Variants in BMP8A observed in about 807,000 individuals in gnomAD.
BMP8A encodes bone morphogenetic protein 8a.
In BMP8A, 14 loss-of-function variants were observed where a neutral mutation model predicts 36.8. The observed-to-expected ratio is 0.38, with a 90% CI of 0.25 to 0.60. The LOEUF is 0.60. Ranked by LOEUF, BMP8A falls within the 20% of genes least tolerant of loss-of-function variation. The pLI is 0.63. For missense variants in BMP8A, 267 were observed against 551.1 expected (o/e 0.48, Z 5.16); for synonymous variants, 120 against 237.7 (o/e 0.50, Z 4.55).
intron 1 of BMP8A, among the ~76,000 whole-genome samples, chr1:39,501,005 G>A (rs1371504980): frequency 2.6e-5 from 4 of 152,186 alleles, no homozygotes; most frequent in African/African-American, 9.7e-5. Flanking sequence ...GCTCAAGGCT[G>A]GGCAGCTGCA....
rs1645487050 is a variant in BMP8A at position 39,526,700 on chromosome 1, GAA to G, written c.*904_*905del. Among the ~76,000 whole-genome samples, 1 of 152,154 alleles carries G rather than the reference GAA, an allele frequency of 6.6e-6. No individual in the cohort carries two copies. The highest frequency in any genetic ancestry group is 1.5e-5 in the Non-Finnish European group (1 of 68,026). On this transcript the variant is annotated 3_prime_UTR_variant, in exon 7 of 7. Transcript: ENST00000331593. ...TGGGCCTGCCCCTTCTCCTGCCTGGGAAAGAGGTATGACTCCCACAGGAGCAA... is the reference window on the plus strand; with the variant it reads ...TGGGCCTGCCCCTTCTCCTGCCTGGGAGAGGTATGACTCCCACAGGAGCAA...
At chr1:39,497,747 C>T (rs1464900695) in intron 1 of BMP8A, among the ~76,000 whole-genome samples, 2 of 152,250 alleles carry the variant, frequency 1.3e-5, no homozygotes, top group Non-Finnish European at 2.9e-5. Flanking sequence ...TTCCCTGCCC[C>T]TGCCCCCCAC....
chr1:39,507,446 G>T (rs555674439), intron 1 of BMP8A, among the ~76,000 whole-genome samples: 3 of 152,194 alleles, frequency 2.0e-5, no homozygotes, highest in Non-Finnish European at 4.4e-5. Context: ...GGCCTCGAGC[G>T]CTTTTGGCCA....
chr1:39,499,765 T>A (rs1213101890), intron 1 of BMP8A, among the ~76,000 whole-genome samples: 1 of 152,176 alleles, frequency 6.6e-6, no homozygotes, highest in African/African-American at 2.4e-5. Context: ...CTTTTCTGCC[T>A]CCCATGTGCA....
Position 39,527,082 on chromosome 1 carries a change from G to T in BMP8A, c.*1284G>T, listed in dbSNP as rs1645490454. Among the ~76,000 whole-genome samples, 1 of 152,226 alleles carries T rather than the reference G, an allele frequency of 6.6e-6. No individual in the cohort carries two copies. Among genetic ancestry groups the T allele is most frequent in the Non-Finnish European group, 1.5e-5 (1 of 68,040 alleles). On this transcript the variant is annotated 3_prime_UTR_variant, in exon 7 of 7. Coordinates refer to ENST00000331593, the MANE Select transcript of BMP8A (RefSeq NM_181809.4). ...CGGCCAGGCATGGGGCAAGGGTGGG[G>T]ACTGCCAGTGTTTGCTTGTGTCTAG...
At chr1:39,521,778 CAGA>C (rs1645429505) in intron 4 of BMP8A, among the ~76,000 whole-genome samples, 1 of 57,910 alleles carries the variant, frequency 1.7e-5, no homozygotes, top group Admixed American at 2.4e-4. Flanking sequence ...CCCTGCTGCC[CAGA>C]AGTCTCCCTC....
chr1:39,517,410 G>C (rs1323830810), intron 3 of BMP8A, among the ~76,000 whole-genome samples: 1 of 151,796 alleles, frequency 6.6e-6, no homozygotes, highest in Non-Finnish European at 1.5e-5. Context: ...CTGCTTCCTG[G>C]GTTCAAGCAA....
chr1:39,519,311 C>T (rs1645414417), intron 3 of BMP8A, among the ~76,000 whole-genome samples: 1 of 133,354 alleles, frequency 7.5e-6, no homozygotes, highest in Admixed American at 8.0e-5. Flanking sequence ...GGGCTGGTGA[C>T]CACCACCACC....
intron 1 of BMP8A, among the ~76,000 whole-genome samples, chr1:39,496,202 C>T (rs1446241386): frequency 7.2e-6 from 1 of 139,694 alleles, no homozygotes; most frequent in Admixed American, 7.1e-5. Flanking sequence ...GCACCTACCA[C>T]GGACCAGGCA....
At chr1:39,508,206 G>A (rs994320139) in intron 1 of BMP8A, among the ~76,000 whole-genome samples, 14 of 151,170 alleles carry the variant, frequency 9.3e-5, no homozygotes, top group African/African-American at 2.7e-4. Flanking sequence ...AGCTGAAATC[G>A]TGCCACTGCA....
intron 1 of BMP8A, among the ~76,000 whole-genome samples, chr1:39,495,122 G>A (rs1354177925): frequency 6.6e-6 from 1 of 152,196 alleles, no homozygotes; most frequent in African/African-American, 2.4e-5. Flanking sequence ...TAATAGCAGG[G>A]TCGCTGTGGT....
intron 1 of BMP8A, among the ~76,000 whole-genome samples, chr1:39,496,942 A>T (rs187801962): frequency 3.5e-4 from 53 of 152,314 alleles, no homozygotes; most frequent in Middle Eastern, 6.8e-3. Context: ...GCCCCTAGGG[A>T]GCCCCATTCC....
chr1:39,519,204 T>G, intron 3 of BMP8A, among the ~76,000 whole-genome samples: 3 of 119,666 alleles, frequency 2.5e-5, no homozygotes, highest in African/African-American at 6.2e-5. Flanking sequence ...CCCCAGGGAG[T>G]CACAGGACAG....
At chr1:39,507,062 G>C (rs897559598) in intron 1 of BMP8A, among the ~76,000 whole-genome samples, 3 of 152,188 alleles carry the variant, frequency 2.0e-5, no homozygotes, top group Non-Finnish European at 2.9e-5. Flanking sequence ...TAGGATCACT[G>C]TCCCAGATTT....
At chr1:39,493,880 GA>G (rs965296803) in intron 1 of BMP8A, among the ~76,000 whole-genome samples, 1 of 152,230 alleles carries the variant, frequency 6.6e-6, no homozygotes, top group African/African-American at 2.4e-5. Flanking sequence ...CCGCCCATCA[GA>G]ATGCGTCACC....
intron 1 of BMP8A, among the ~76,000 whole-genome samples, chr1:39,494,292 T>G (rs1471830776): frequency 1.3e-5 from 2 of 152,184 alleles, no homozygotes; most frequent in Admixed American, 1.3e-4. Context: ...AAGTAGCATG[T>G]GAACTTTTTC....
chr1:39,518,045 C>A (rs1645406803), intron 3 of BMP8A, among the ~76,000 whole-genome samples: 1 of 151,990 alleles, frequency 6.6e-6, no homozygotes, highest in Non-Finnish European at 1.5e-5. Context: ...ACCCAAGAGG[C>A]TGCGAGGCAT....
Position 39,492,069 on chromosome 1 carries a change from A to C in BMP8A, c.78A>C (p.Arg26=), listed in dbSNP as rs1397290511. 8.1e-6 allele frequency: 9 copies of C among 1,117,628 alleles called. No individual in the cohort carries two copies. Among genetic ancestry groups the C allele is most frequent in the Admixed American group, 5.0e-5 (1 of 19,890 alleles). 69.2% of individuals were successfully genotyped at this position (1,117,628 alleles called of 1,614,324 possible). ...CALGGGGPGL[R]PPPGCPQRRL... ...TGGGCGGGGGCGGCCCCGGCCTGCG[A>C]CCCCCGCCCGGCTGTCCCCAGCGAC... The change falls in exon 1 of 7, where the codon CGA becomes CGC. Residue 26 remains arginine (R), a synonymous_variant. Transcript: ENST00000331593.
chr1:39,504,735 G>A (rs1432767757), intron 1 of BMP8A, among the ~76,000 whole-genome samples: 1 of 152,218 alleles, frequency 6.6e-6, no homozygotes, highest in African/African-American at 2.4e-5. Flanking sequence ...GCATACGGAG[G>A]ACCCGCACCA....
Sources: allele counts gnomAD v4.1 joint callset (sites outside exome capture counted in the v4.1 genomes callset), GRCh38; gene constraint gnomAD v4.1.1; transcripts MANE v1.5; gene names NCBI Gene and HGNC (gene_info 2026-07-23, HGNC 2026-07-21).